Variants in FHIT observed in about 807,000 individuals in gnomAD.
FHIT encodes the protein fragile histidine triad diadenosine triphosphatase, also known as bis(5'-adenosyl)-triphosphatase.
FHIT carries 19 observed loss-of-function variants against 17.9 expected under a neutral mutation model. The observed-to-expected ratio is 1.06, with a 90% confidence interval of 0.74 to 1.56. The LOEUF (loss-of-function observed/expected upper bound fraction) is 1.56. Ranked by LOEUF, FHIT falls within the 40% of genes most tolerant of loss-of-function variation. FHIT has a pLI of 0.00. For missense variants in FHIT, 248 were observed against 189.2 expected, an observed-to-expected ratio of 1.31 and a Z score of -1.82; for synonymous variants, 81 against 69.7, an observed-to-expected ratio of 1.16 and a Z score of -0.81.
chr3:60,596,677 T>G (rs2038280740), intron 4 of FHIT, among the ~76,000 whole-genome samples: 1 of 152,120 alleles, frequency 6.6e-6, no homozygotes, highest in African/African-American at 2.4e-5. Context: ...GGGTAATGGC[T>G]AAATCTCATC....
intron 5 of FHIT, among the ~76,000 whole-genome samples, chr3:60,137,336 C>G (rs986703408): frequency 6.6e-6 from 1 of 152,140 alleles, no homozygotes; most frequent in Non-Finnish European, 1.5e-5. Context: ...TGAGAGTCCC[C>G]CAGGAACACA....
chr3:60,781,783 A>T (rs1700397450), intron 4 of FHIT, among the ~76,000 whole-genome samples: 1 of 152,218 alleles, frequency 6.6e-6, no homozygotes, highest in Non-Finnish European at 1.5e-5. Flanking sequence ...TAGGACACCA[A>T]TGGTAGTAAA....
intron 5 of FHIT, among the ~76,000 whole-genome samples, chr3:60,231,431 T>G (rs912420734): frequency 1.3e-5 from 2 of 152,196 alleles, no homozygotes; most frequent in Non-Finnish European, 2.9e-5. Context: ...AGAGTCTACC[T>G]GCCGCAGCCT....
intron 5 of FHIT, among the ~76,000 whole-genome samples, chr3:60,350,184 G>T (rs1007046454): frequency 6.6e-6 from 1 of 152,128 alleles, no homozygotes; most frequent in Non-Finnish European, 1.5e-5. Flanking sequence ...TGCAACTGGG[G>T]AACTGAGGGT....
intron 2 of FHIT, among the ~76,000 whole-genome samples, chr3:61,151,003 T>C (rs568519863): frequency 6.6e-6 from 1 of 151,076 alleles, no homozygotes; most frequent in South Asian, 2.1e-4. Flanking sequence ...AAAAAATCTG[T>C]AGCACAATGA....
chr3:60,982,449 C>G (rs910651488), intron 3 of FHIT, among the ~76,000 whole-genome samples: 8 of 152,344 alleles, frequency 5.3e-5, no homozygotes, highest in Non-Finnish European at 1.2e-4. Context: ...ACAACGTATA[C>G]AGTGCTAGGA....
chr3:60,340,113 C>T (rs139161674), intron 5 of FHIT, among the ~76,000 whole-genome samples: 81 of 152,052 alleles, frequency 5.3e-4, no homozygotes, highest in African/African-American at 1.9e-3. Flanking sequence ...AGTTGTTCCA[C>T]CATTAGCAAT....
At chr3:59,764,847 A>T (rs1701709381) in intron 8 of FHIT, among the ~76,000 whole-genome samples, 1 of 126,724 alleles carries the variant, frequency 7.9e-6, no homozygotes. Flanking sequence ...GGCAACAGAG[A>T]TGTAAGGCAA....
intron 4 of FHIT, among the ~76,000 whole-genome samples, chr3:60,576,881 T>C (rs559828600): frequency 6.6e-6 from 1 of 151,580 alleles, no homozygotes; most frequent in Non-Finnish European, 1.5e-5. Context: ...TTTGGAAAGT[T>C]TGAAAATCCA....
intron 5 of FHIT, among the ~76,000 whole-genome samples, chr3:60,348,467 A>G (rs1339476648): frequency 6.6e-6 from 1 of 152,184 alleles, no homozygotes; most frequent in Non-Finnish European, 1.5e-5. Context: ...AAGAAAATTA[A>G]CATGTAGAAC....
At chr3:60,450,220 A>G (rs1286986588) in intron 5 of FHIT, among the ~76,000 whole-genome samples, 3 of 152,076 alleles carry the variant, frequency 2.0e-5, no homozygotes, top group Non-Finnish European at 4.4e-5. Flanking sequence ...TTATTAAAAA[A>G]TAAAGTATTA....
At chr3:60,929,035 T>C (rs1460542734) in intron 3 of FHIT, among the ~76,000 whole-genome samples, 1 of 152,168 alleles carries the variant, frequency 6.6e-6, no homozygotes, top group Admixed American at 6.5e-5. Flanking sequence ...GTTGGCTTCA[T>C]TCCTGGGATG....
chr3:59,874,602 G>A (rs1205848465), intron 8 of FHIT, among the ~76,000 whole-genome samples: 1 of 152,130 alleles, frequency 6.6e-6, no homozygotes, highest in African/African-American at 2.4e-5. Flanking sequence ...TACGGGGTTA[G>A]GACAGTGGGC....
intron 5 of FHIT, among the ~76,000 whole-genome samples, chr3:60,107,133 C>G (rs957780848): frequency 4.7e-4 from 67 of 143,956 alleles, no homozygotes; most frequent in African/African-American, 1.7e-3. Context: ...AAATTTTAAC[C>G]TTTAAAAGCT....
At chr3:60,123,995 TATATATATATATATAGAGAGAGAGAG>T (rs1431179126) in intron 5 of FHIT, among the ~76,000 whole-genome samples, 42 of 36,616 alleles carry the variant, frequency 1.1e-3, no homozygotes, top group African/African-American at 1.4e-3. Context: ...TATATATATA[TATATATATATATATAGAGAGAGAGAG>T]AGAGAGAGAG....
At chr3:60,360,495 T>A (rs1699862375) in intron 5 of FHIT, among the ~76,000 whole-genome samples, 1 of 152,174 alleles carries the variant, frequency 6.6e-6, no homozygotes, top group African/African-American at 2.4e-5. Context: ...TCTTTGACTC[T>A]GAGAGCCCTG....
intron 7 of FHIT, among the ~76,000 whole-genome samples, chr3:60,001,342 T>C (rs1243983422): frequency 6.6e-6 from 1 of 152,196 alleles, no homozygotes; most frequent in South Asian, 2.1e-4. Flanking sequence ...TGCATTATGG[T>C]GTTCATTTCA....
intron 4 of FHIT, among the ~76,000 whole-genome samples, chr3:60,629,914 G>T (rs891201414): frequency 3.3e-5 from 5 of 152,190 alleles, no homozygotes; most frequent in African/African-American, 1.2e-4. Context: ...GCCTAAAACA[G>T]TGTCTGGCTA....
chr3:60,029,897 CTGTGTG>C (rs71089569), intron 5 of FHIT, among the ~76,000 whole-genome samples: 2 of 127,820 alleles, frequency 1.6e-5, no homozygotes, highest in Admixed American at 7.8e-5. Flanking sequence ...GTGTGTGTGT[CTGTGTG>C]TGTGTGTGTG....
Sources: gnomAD v4.1 joint callset for allele counts (sites outside exome capture counted in the v4.1 genomes callset) on GRCh38, gnomAD v4.1.1 for gene constraint, MANE v1.5 for transcripts, NCBI Gene and HGNC (gene_info 2026-07-23, HGNC 2026-07-21) for gene names.